ITGA2B: variants seen among roughly 807,000 people sequenced by gnomAD.
ITGA2B encodes the protein integrin alpha-IIb.
In ITGA2B, 91 loss-of-function variants were observed where a neutral mutation model predicts 142.0. The ratio of observed to expected loss-of-function variants is 0.64; its 90% CI spans 0.54 to 0.76. ITGA2B has a LOEUF of 0.76. Among genes scored for constraint, ITGA2B ranks in the 30% least tolerant of loss-of-function variants. ITGA2B has a pLI of 0.00. For missense variants in ITGA2B, 1,231 were observed against 1,350.8 expected, an observed-to-expected ratio of 0.91 and a Z score of 1.39; for synonymous variants, 536 against 567.2, an observed-to-expected ratio of 0.94 and a Z score of 0.78.
At chr17:44,373,485 A>G (rs1464023744) in intron 29 of ITGA2B, among the ~76,000 whole-genome samples, 1 of 152,094 alleles carries the variant, frequency 6.6e-6, no homozygotes, top group Non-Finnish European at 1.5e-5. Context: ...CGAGCATATG[A>G]TGATATGTAT....
At chr17:44,376,974 A>C in intron 22 of ITGA2B, 35 bp downstream of exon 22, 1 of 1,528,166 alleles carries the variant, frequency 6.5e-7, no homozygotes. Flanking sequence ...AGACGGGGGA[A>C]GGGTGGTGGG....
intron 14 of ITGA2B, 42 bp from the exon 15 acceptor site, chr17:44,380,532 C>A: frequency 1.2e-6 from 2 of 1,613,830 alleles, no homozygotes; most frequent in Non-Finnish European, 1.7e-6. Flanking sequence ...CATTGTGGCT[C>A]CTCCTGGCCT....
intron 26 of ITGA2B, 174 bp from the exon 27 acceptor site, chr17:44,375,285 C>T (rs2048531089): frequency 1.5e-6 from 1 of 678,990 alleles, no homozygotes. Context: ...CACGGGCTTG[C>T]TCACATAGTC....
At position 44,380,540 on chromosome 17, in the gene ITGA2B, C is replaced by T. The variant is rs372662341; in HGVS notation, c.1440-50G>A. ...GGCTTGCCATTGTGGCTCCTCCTGG[C>T]CTGGCCTCCTCTTGATGGCACAGGA... On this transcript the variant is annotated intron_variant, in intron 14 of 29. Transcript: ENST00000262407. The T allele has an allele frequency of 8.7e-6, 14 of 1,613,980 alleles. No homozygotes were observed. The African/African-American group carries it at 1.6e-4, about 18-fold the overall frequency.
intron 18 of ITGA2B, among the ~76,000 whole-genome samples, chr17:44,379,034 C>A (rs942949059): frequency 6.6e-6 from 1 of 151,916 alleles, no homozygotes; most frequent in Non-Finnish European, 1.5e-5. Flanking sequence ...CAAGCTCCGC[C>A]CCCCGGGGTT....
At chr17:44,378,544 G>T (rs767052181) in intron 19 of ITGA2B, 35 bp from the exon 20 acceptor site, 2 of 1,612,168 alleles carry the variant, frequency 1.2e-6, no homozygotes, top group Admixed American at 1.7e-5. Context: ...AGGGAGCCTG[G>T]GTCTGGGCCC....
Position 44,388,818 on chromosome 17 carries a change from C to CTTTTTTTTTTTTTTTTTTT in ITGA2B, c.188+467_188+468insAAAAAAAAAAAAAAAAAAA, listed in dbSNP as rs758076614. Among the ~76,000 whole-genome samples, 2 of 132,200 alleles carry CTTTTTTTTTTTTTTTTTTT rather than the reference C, an allele frequency of 1.5e-5. 1 individual carries two copies. The allele number at this position is 132,200 out of a possible 152,430, so 86.7% of individuals were successfully genotyped here. On this transcript the variant is annotated intron_variant, in intron 1 of 29. Coordinates refer to ENST00000262407, the MANE Select transcript of ITGA2B (RefSeq NM_000419.5). Reference sequence around the variant, plus strand: ...AGGTGTGAGCCACTGTGCCTGGTCTCTTTTTTTTTTTTTTTTTTGTATTTT... The same window carrying CTTTTTTTTTTTTTTTTTTT: ...AGGTGTGAGCCACTGTGCCTGGTCTCTTTTTTTTTTTTTTTTTTTTTTTTTTTTTTTTTTTTTGTATTTT...
chr17:44,383,821 G>C, intron 11 of ITGA2B, 73 bp downstream of exon 11: 1 of 1,590,172 alleles, frequency 6.3e-7, no homozygotes, highest in Non-Finnish European at 8.6e-7. Context: ...ACTAGGGCTA[G>C]GAAAGGGAGA....
At chr17:44,388,074 AC>A (rs886509038) in intron 1 of ITGA2B, among the ~76,000 whole-genome samples, 40 of 152,044 alleles carry the variant, frequency 2.6e-4, no homozygotes, top group Admixed American at 1.3e-3. Flanking sequence ...TGCCATTGCC[AC>A]CCATTGCCAC....
At chr17:44,386,272 C>G (rs926525575) in intron 1 of ITGA2B, 141 bp from the exon 2 acceptor site, 5 of 1,275,722 alleles carry the variant, frequency 3.9e-6, no homozygotes, top group Non-Finnish European at 5.4e-6. Context: ...CACAGACCAC[C>G]GTGATGTACT....
intron 18 of ITGA2B, among the ~76,000 whole-genome samples, chr17:44,379,161 A>G (rs549114383): frequency 4.4e-4 from 61 of 137,488 alleles, no homozygotes; most frequent in Non-Finnish European, 8.1e-4. Flanking sequence ...TCACTGTGTT[A>G]GCCAGGATGG....
Position 44,376,005 on chromosome 17 carries a change from A to C in ITGA2B, c.2449-20T>G, listed in dbSNP as rs528853588. ...GTGGAGCTGAAGGGGTGGTGGTGGC[A>C]GGGTGTGGGGAGCTTAGCGCCTCAC... On this transcript the variant is annotated intron_variant, in intron 24 of 29. Coordinates refer to ENST00000262407, the MANE Select transcript of ITGA2B (RefSeq NM_000419.5). 7.4e-6 allele frequency: 12 copies of C among 1,613,938 alleles called. No individual in the cohort carries two copies. Among genetic ancestry groups the C allele is most frequent in the Non-Finnish European group, 1.0e-5 (12 of 1,179,982 alleles).
At position 44,385,067 on chromosome 17, in the gene ITGA2B, G is replaced by A; in HGVS notation, c.680C>T (p.Ala227Val). The A allele has an allele frequency of 6.2e-7, 1 of 1,614,168 alleles. No homozygotes were observed. The highest frequency in any genetic ancestry group is 8.5e-7 in the Non-Finnish European group (1 of 1,180,032). The part of the protein sequence containing the change: ...PGGYYFLGLL[A>V]QAPVADIFSS... ...GAAAATATCCGCAACTGGAGCCTGG[G>A]CCAGGAGACCTAGGGCGGGAGGGAC... The change falls in exon 7 of 30, where the codon GCC becomes GTC. Residue 227 changes from alanine (A) to valine (V), a missense_variant. By Grantham distance (64) the Ala-to-Val change is moderately conservative. Transcript: ENST00000262407.
chr17:44,381,709 C>G (rs569473964), intron 12 of ITGA2B, among the ~76,000 whole-genome samples: 1 of 152,156 alleles, frequency 6.6e-6, no homozygotes, highest in South Asian at 2.1e-4. Flanking sequence ...CCATGGCTTA[C>G]TGCAGCCTCA....
At chr17:44,386,166 TC>T (rs1252879888) in intron 1 of ITGA2B, 35 bp from the exon 2 acceptor site, 7 of 1,558,676 alleles carry the variant, frequency 4.5e-6, no homozygotes, top group Non-Finnish European at 6.1e-6. Context: ...CCGCGCAGAT[TC>T]CAGCGTATCC....
chr17:44,375,088 A>T lies in ITGA2B; in HGVS notation c.2751T>A (p.Thr917=), dbSNP rs1193082936. ...VLVSCDSAPC[T]VVQCDLQEMA... is the part of the protein sequence containing the mutation. ...TCTCCTGCAGGTCACACTGCACCAC[A>T]GTACAGGGCGCCGAGTCGCAGCTCT... Residue 917 remains threonine, a synonymous_variant, in exon 27 of 30, where the codon ACT becomes ACA. Coordinates refer to ENST00000262407, the MANE Select transcript of ITGA2B (RefSeq NM_000419.5). The T allele has an allele frequency of 2.0e-5, 31 of 1,548,880 alleles. No homozygotes were observed. Among genetic ancestry groups the T allele is most frequent in the Non-Finnish European group, 2.7e-5 (31 of 1,146,916 alleles).
Position 44,389,228 on chromosome 17 carries a change from G to A in ITGA2B, c.188+58C>T, listed in dbSNP as rs902596187. 37 of 1,572,988 alleles carry A rather than the reference G, an allele frequency of 2.4e-5. No homozygotes were observed. The African/African-American group carries it at 4.5e-4, about 19-fold the overall frequency. ...AATGGGAAACTCGAAGCCCCCAGAAGCAGTGATGGGGAGGGGTCCTGCTCT... is the reference window on the plus strand; with the variant it reads ...AATGGGAAACTCGAAGCCCCCAGAAACAGTGATGGGGAGGGGTCCTGCTCT... On this transcript the variant is annotated intron_variant, in intron 1 of 29. Coordinates refer to ENST00000262407, the MANE Select transcript of ITGA2B (RefSeq NM_000419.5).
Position 44,385,871 on chromosome 17 carries a change from G to A in ITGA2B, c.361C>T (p.Arg121Cys). The change falls in exon 3 of 30, where the codon CGC becomes TGC. Residue 121 changes from arginine to cysteine, a missense_variant. Coordinates refer to ENST00000262407, the MANE Select transcript of ITGA2B (RefSeq NM_000419.5). ...ACGACCGACGCCCCCAGTCCTTGGCGGGCCTTGAAGGTTTGTAAAGTTTGG... is the reference window on the plus strand; with the variant it reads ...ACGACCGACGCCCCCAGTCCTTGGCAGGCCTTGAAGGTTTGTAAAGTTTGG... ...GSQTLQTFKARQGLGASVVSW... is the reference protein window; with the variant it reads ...GSQTLQTFKACQGLGASVVSW... The A allele has an allele frequency of 6.2e-7, 1 of 1,606,708 alleles. No individual in the cohort carries two copies. Among genetic ancestry groups the A allele is most frequent in the Non-Finnish European group, 8.5e-7 (1 of 1,176,132 alleles).
rs745820525 is a variant in ITGA2B at position 44,377,085 on chromosome 17, C to T, written c.2191G>A (p.Gly731Arg). 6.4e-7 allele frequency: 1 copy of T among 1,573,392 alleles called. No individual in the cohort carries two copies. The highest frequency in any genetic ancestry group is 1.3e-5 in the African/African-American group (1 of 74,422). The part of the protein sequence containing the change: ...GNPMKKNAQI[G>R]IAMLVSVGNL... ...CCCACGCTCACCAACATCGCGATTC[C>T]TATCTGGGAGATGAGGAGGGCCAAG... The change falls in exon 22 of 30, where the codon GGA (glycine) becomes AGA (arginine). Residue 731 changes from glycine to arginine, a missense_variant. Physicochemically the swap from Gly to Arg is moderately radical, Grantham distance 125. This residue lies in a region of ITGA2B where 908 missense variants were observed against 1,021.1 expected (regional missense o/e 0.89). Transcript: ENST00000262407.
Sources: gnomAD v4.1 joint callset for allele counts (sites outside exome capture counted in the v4.1 genomes callset) on GRCh38, gnomAD v4.1.1 for gene constraint, gnomAD v4.1.1 regional missense constraint, MANE v1.5 for transcripts, NCBI Gene and HGNC (gene_info 2026-07-23, HGNC 2026-07-21) for gene names.